RPS6KA2: variants seen among roughly 807,000 people sequenced by gnomAD.
RPS6KA2 encodes the protein ribosomal protein S6 kinase alpha-2.
A neutral mutation model predicts 91.8 loss-of-function variants in RPS6KA2; 42 were observed. That is an observed-to-expected ratio of 0.46 (90% confidence interval 0.36 to 0.59). RPS6KA2 has a LOEUF of 0.59. Ranked by LOEUF, RPS6KA2 falls within the 20% of genes least tolerant of loss-of-function variation. RPS6KA2 has a pLI of 0.00. For synonymous variants in RPS6KA2, 414 were observed against 393.6 expected (o/e 1.05, Z -0.61); for missense variants, 798 against 978.5 (o/e 0.82, Z 2.46).
intron 1 of RPS6KA2, among the ~76,000 whole-genome samples, chr6:166,555,708 C>T (rs1784157896): frequency 6.6e-6 from 1 of 152,102 alleles, no homozygotes; most frequent in Non-Finnish European, 1.5e-5. Flanking sequence ...TTCCCAGTCA[C>T]CTTTCATGTT....
chr6:166,449,987 C>T (rs991618191), intron 13 of RPS6KA2, among the ~76,000 whole-genome samples: 6 of 151,746 alleles, frequency 4.0e-5, no homozygotes, highest in African/African-American at 1.2e-4. Flanking sequence ...CCACAGGGAC[C>T]GCCATGGGAA....
chr6:166,857,774 T>C (rs1338701942), intron 2 of RPS6KA2, among the ~76,000 whole-genome samples: 1 of 152,216 alleles, frequency 6.6e-6, no homozygotes, highest in African/African-American at 2.4e-5. Context: ...GAATCCGCTC[T>C]TCTCCCCAGC....
rs1271717410 is a variant in RPS6KA2 at position 166,500,294 on chromosome 6, G to C, written c.604+593C>G. Among the ~76,000 whole-genome samples the C allele has an allele frequency of 6.6e-6, 1 of 152,250 alleles. No homozygotes were observed. The highest frequency in any genetic ancestry group is 2.1e-4 in the South Asian group (1 of 4,836). On this transcript the variant is annotated intron_variant, in intron 7 of 20. Transcript: ENST00000265678. This position sits in a 1 kb window ranked among gnomAD's most constrained non-coding sequence, Gnocchi z 4.3. Reference sequence around the variant, plus strand: ...ATGTTCCTGGCATTTTGTTGCAGATGCTATAGGGAACTAATACAAATGGGG... The same window carrying C: ...ATGTTCCTGGCATTTTGTTGCAGATCCTATAGGGAACTAATACAAATGGGG...
Position 166,626,847 on chromosome 6 carries a change from TGGC to T in RPS6KA2, c.99+71_99+73del. The T allele has an allele frequency of 7.9e-7, 1 of 1,267,098 alleles. No homozygotes were observed. The highest frequency in any genetic ancestry group is 1.0e-6 in the Non-Finnish European group (1 of 979,108). The allele number at this position is 1,267,098 out of a possible 1,614,324, so 78.5% of individuals were successfully genotyped here. A position where few individuals can be genotyped will look rare whatever the true frequency, so the allele number is the denominator to read the frequency against. On this transcript the variant is annotated intron_variant, in intron 1 of 20. Transcript: ENST00000265678. This position sits in a 1 kb window ranked among gnomAD's most constrained non-coding sequence, Gnocchi z 4.1. ...ACGGGTCTCGGGGTCCACCCAGGGG[TGGC>T]GAGGCGGGCTCGGGCGACCACGGCC...
chr6:166,713,360 AT>A lies in RPS6KA2; in HGVS notation c.123+144839del, dbSNP rs1315181166. Among the ~76,000 whole-genome samples the A allele has an allele frequency of 4.6e-5, 7 of 152,374 alleles. No homozygotes were observed. The South Asian group carries it at 6.2e-4, about 14-fold the overall frequency. ...TTTTAATAAAGTCATGCTTGATTAA[AT>A]AAAATGAGAGAAAAGTAAATTTAAG... is the stretch of plus-strand genomic sequence containing the variant. On this transcript the variant is annotated intron_variant, in intron 2 of 21. Coordinates refer to the RPS6KA2 transcript ENST00000503859.
Position 166,477,842 on chromosome 6 carries a change from C to T in RPS6KA2, c.908-7937G>A, listed in dbSNP as rs543366629. Reference sequence around the variant, plus strand: ...GGGAGGACTGCCTGAGTCCAGGCAACTGAGACTGAAGTGAGTCATGATTGC... The same window carrying T: ...GGGAGGACTGCCTGAGTCCAGGCAATTGAGACTGAAGTGAGTCATGATTGC... On this transcript the variant is annotated intron_variant, in intron 10 of 20. Coordinates refer to ENST00000265678, the MANE Select transcript of RPS6KA2 (RefSeq NM_021135.6). 1.6e-3 allele frequency among the ~76,000 whole-genome samples: 241 copies of T among 152,210 alleles called. 3 individuals are homozygous for T. Among genetic ancestry groups the T allele is most frequent in the African/African-American group, 5.5e-3 (230 of 41,516 alleles).
rs557027258 is a variant in RPS6KA2, at chr6:166,586,190, T to C, written c.99+40731A>G. 618 of 1,583,992 alleles carry C rather than the reference T, an allele frequency of 3.9e-4. 145 individuals carry two copies. The African/African-American group carries it at 0.011, about 27-fold the overall frequency. On this transcript the variant is annotated intron_variant, in intron 1 of 20. Coordinates refer to ENST00000265678, the MANE Select transcript of RPS6KA2 (RefSeq NM_021135.6). ...CATATTGCTGGGGATAGTAAGGTTC[T>C]TGTCTGTGTTGCGGGTAGTTGTTAC...
intron 2 of RPS6KA2, among the ~76,000 whole-genome samples, chr6:166,534,101 A>G (rs1169315026): frequency 2.0e-5 from 3 of 151,762 alleles, no homozygotes; most frequent in African/African-American, 7.3e-5. Context: ...AGGCGCCTGT[A>G]GTCTCAGCTA....
Position 166,531,224 on chromosome 6 carries a change from G to A in RPS6KA2, c.298+8C>T, listed in dbSNP as rs996750370. ...CTCTGAAGCAGCCGGCCCTTCCGAA[G>A]CTCTTACCTTTTAGGGTGGCTTTCT... On this transcript the variant is annotated splice_region_variant and intron_variant, in intron 3 of 20. Transcript: ENST00000265678. 2 of 1,608,690 alleles carry A rather than the reference G, an allele frequency of 1.2e-6. No homozygotes were observed. Among genetic ancestry groups the A allele is most frequent in the South Asian group, 2.2e-5 (2 of 90,970 alleles).
intron 2 of RPS6KA2, among the ~76,000 whole-genome samples, chr6:166,720,743 C>T (rs1205217786): frequency 1.3e-5 from 2 of 152,102 alleles, no homozygotes; most frequent in Non-Finnish European, 2.9e-5. Flanking sequence ...ATATCATATC[C>T]TCATTATGGA....
At chr6:166,789,239 G>T (rs987677985) in intron 2 of RPS6KA2, among the ~76,000 whole-genome samples, 1 of 152,182 alleles carries the variant, frequency 6.6e-6, no homozygotes, top group Admixed American at 6.5e-5. Context: ...AGGGTCCTAC[G>T]CCCACGGAGT....
At chr6:166,616,549 T>C (rs1228827315) in intron 1 of RPS6KA2, among the ~76,000 whole-genome samples, 1 of 152,178 alleles carries the variant, frequency 6.6e-6, no homozygotes, top group Non-Finnish European at 1.5e-5. Context: ...TTCTACAGCC[T>C]AGGGACAGCC....
At chr6:166,686,680 C>G (rs1234267720) in intron 2 of RPS6KA2, among the ~76,000 whole-genome samples, 2 of 152,202 alleles carry the variant, frequency 1.3e-5, no homozygotes, top group African/African-American at 4.8e-5. Context: ...TGCCTTGCTC[C>G]CCGGCTGAGC....
At chr6:166,720,477 T>C (rs1241883224) in intron 2 of RPS6KA2, among the ~76,000 whole-genome samples, 7 of 152,040 alleles carry the variant, frequency 4.6e-5, no homozygotes, top group African/African-American at 1.7e-4. Flanking sequence ...CAGATGAAAA[T>C]CCAAGGCTCT....
At chr6:166,519,067 C>T (rs1782757052) in intron 3 of RPS6KA2, among the ~76,000 whole-genome samples, 2 of 152,230 alleles carry the variant, frequency 1.3e-5, no homozygotes, top group Admixed American at 6.5e-5. Context: ...AAGAAACAGA[C>T]AGTGAAAGCA....
intron 2 of RPS6KA2, among the ~76,000 whole-genome samples, chr6:166,641,787 G>A (rs575431177): frequency 5.1e-5 from 6 of 118,160 alleles, no homozygotes; most frequent in Non-Finnish European, 1.0e-4. Context: ...ATTAACAGCA[G>A]TTTGGGCAAA....
intron 1 of RPS6KA2, among the ~76,000 whole-genome samples, chr6:166,599,789 G>C (rs1302795891): frequency 1.3e-5 from 2 of 152,164 alleles, no homozygotes; most frequent in African/African-American, 4.8e-5. Context: ...TAAGTGCTGG[G>C]AGAAACGACA....
chr6:166,847,945 A>G (rs538227649), intron 2 of RPS6KA2, among the ~76,000 whole-genome samples: 16 of 152,374 alleles, frequency 1.1e-4, no homozygotes, highest in Middle Eastern at 3.4e-3. Flanking sequence ...TCTGCACAGC[A>G]AAAGAAATGA....
intron 2 of RPS6KA2, among the ~76,000 whole-genome samples, chr6:166,791,184 G>T (rs568466921): frequency 1.3e-5 from 2 of 151,364 alleles, no homozygotes; most frequent in Non-Finnish European, 2.9e-5. Flanking sequence ...CCAAGCAAAT[G>T]GAAAACAAAA....
Sources: allele counts gnomAD v4.1 joint callset (sites outside exome capture counted in the v4.1 genomes callset), GRCh38; gene constraint gnomAD v4.1.1; non-coding constraint Gnocchi (gnomAD v3.1); transcripts MANE v1.5; gene names NCBI Gene and HGNC (gene_info 2026-07-23, HGNC 2026-07-21).